The following NAXD variants were observed in gnomAD, a reference collection of about 807,000 sequenced individuals.
NAXD encodes the protein ATP-dependent (S)-NAD(P)H-hydrate dehydratase.
A neutral mutation model predicts 35.8 loss-of-function variants in NAXD; 22 were observed. That is an observed-to-expected ratio of 0.62 (90% CI 0.44 to 0.88). The LOEUF (loss-of-function observed/expected upper bound fraction) is 0.88. Ranked by LOEUF, NAXD falls within the 40% of genes least tolerant of loss-of-function variation. NAXD has a pLI of 0.00. For missense variants in NAXD, 428 were observed against 437.7 expected, an observed-to-expected ratio of 0.98 and a Z score of 0.20; for synonymous variants, 189 against 177.6, an observed-to-expected ratio of 1.06 and a Z score of -0.51.
At chr13:110,629,223 GAC>G (rs1292132387) in intron 5 of NAXD, among the ~76,000 whole-genome samples, 1 of 152,192 alleles carries the variant, frequency 6.6e-6, no homozygotes, top group Non-Finnish European at 1.5e-5. Context: ...TTCTTCTGAT[GAC>G]AGATTGAGTC....
chr13:110,624,980 C>T (rs1182787392), intron 3 of NAXD, among the ~76,000 whole-genome samples: 2 of 152,230 alleles, frequency 1.3e-5, no homozygotes, highest in Non-Finnish European at 2.9e-5. Flanking sequence ...CTGACCCTGC[C>T]TCTGCAGTGG....
intron 1 of NAXD, among the ~76,000 whole-genome samples, chr13:110,618,428 G>C (rs1886138511): frequency 6.6e-6 from 1 of 152,126 alleles, no homozygotes; most frequent in South Asian, 2.1e-4. Context: ...AAGGTGGTTT[G>C]CACATTTTGG....
At chr13:110,625,481 G>A (rs908212911) in intron 4 of NAXD, among the ~76,000 whole-genome samples, 4 of 152,234 alleles carry the variant, frequency 2.6e-5, no homozygotes, top group Admixed American at 6.5e-5. Context: ...AGAGGTGGGT[G>A]GGGGAGCTTG....
intron 8 of NAXD, 99 bp from the exon 9 acceptor site, chr13:110,637,030 T>G (rs1594186519): frequency 1.4e-6 from 2 of 1,382,456 alleles, no homozygotes; most frequent in Middle Eastern, 2.6e-4. Context: ...TCCTGGAGGG[T>G]GTGGCTCTGC....
In NAXD at chr13:110,619,396, A is replaced by T. The variant is rs78595743; in HGVS notation, c.47-2820A>T. On this transcript the variant is annotated intron_variant, in intron 1 of 9. Transcript: ENST00000680254. ...CCTTTTCTTATTGTGAGAAATACAC[A>T]TTTATGAAGTATTACCATTTAGGAG... is the stretch of plus-strand genomic sequence containing the variant. Among the ~76,000 whole-genome samples the T allele has an allele frequency of 2.6e-5, 4 of 152,180 alleles. No homozygotes were observed. In the East Asian group the frequency reaches 7.7e-4, roughly 29 times the overall value.
chr13:110,635,550 A>T lies in NAXD; in HGVS notation c.680A>T (p.Gln227Leu), dbSNP rs1886891844. Reference sequence around the variant, plus strand: ...GCCCTGGGCAACGTGACGGTGGTCCAGAAAGGAGAGCGCGACATCCTCTCC... The same window carrying T: ...GCCCTGGGCAACGTGACGGTGGTCCTGAAAGGAGAGCGCGACATCCTCTCC... The part of the protein sequence containing the change: ...SQALGNVTVV[Q>L]KGERDILSNG... Residue 227 changes from glutamine (Q) to leucine (L), a missense_variant, in exon 8 of 10, where the codon CAG (glutamine) becomes CTG (leucine). Physicochemically the swap from Gln to Leu is moderately radical, Grantham distance 113. This residue lies in a region of NAXD where 209 missense variants were observed against 214.6 expected (regional missense o/e 0.97). Coordinates refer to ENST00000680254, the MANE Select transcript of NAXD (RefSeq NM_001242882.2). 6.2e-7 allele frequency: 1 copy of T among 1,614,156 alleles called. No homozygotes were observed. Among genetic ancestry groups the T allele is most frequent in the African/African-American group, 1.3e-5 (1 of 75,070 alleles).
At chr13:110,621,183 T>C (rs1217673028) in intron 1 of NAXD, among the ~76,000 whole-genome samples, 1 of 152,216 alleles carries the variant, frequency 6.6e-6, no homozygotes, top group East Asian at 1.9e-4. Flanking sequence ...GGGAGTAATA[T>C]GATGAATCTG....
chr13:110,624,337 A>G, intron 3 of NAXD, 58 bp downstream of exon 3: 1 of 1,034,908 alleles, frequency 9.7e-7, no homozygotes, highest in African/African-American at 1.6e-5. Flanking sequence ...TTGATTATTT[A>G]AATATGATTA....
intron 5 of NAXD, among the ~76,000 whole-genome samples, chr13:110,631,946 T>G (rs1035618508): frequency 6.6e-6 from 1 of 152,246 alleles, no homozygotes; most frequent in African/African-American, 2.4e-5. Flanking sequence ...AGCTTTCAAA[T>G]TTCATTTAAT....
chr13:110,634,918 C>A, intron 7 of NAXD, 142 bp downstream of exon 7: 1 of 674,354 alleles, frequency 1.5e-6, no homozygotes, highest in South Asian at 1.7e-5. Context: ...GCGGATGGCG[C>A]GTCTTCCCAT....
intron 7 of NAXD, 105 bp from the exon 8 acceptor site, chr13:110,635,363 T>G: frequency 7.2e-7 from 1 of 1,387,654 alleles, no homozygotes; most frequent in Non-Finnish European, 1.0e-6. Flanking sequence ...GGGTGATCCC[T>G]TTAGACACGA....
chr13:110,623,226 A>G (rs770760144), intron 2 of NAXD, among the ~76,000 whole-genome samples: 6 of 152,168 alleles, frequency 3.9e-5, no homozygotes, highest in Non-Finnish European at 8.8e-5. Context: ...TGCATTTACA[A>G]CGCTATTGAC....
At chr13:110,624,591 T>A (rs1272500668) in intron 3 of NAXD, among the ~76,000 whole-genome samples, 1 of 152,210 alleles carries the variant, frequency 6.6e-6, no homozygotes, top group African/African-American at 2.4e-5. Flanking sequence ...CCCGAGTAGC[T>A]GGGATTACAG....
intron 5 of NAXD, among the ~76,000 whole-genome samples, chr13:110,633,224 G>A (rs1594181947): frequency 1.3e-5 from 2 of 152,280 alleles, no homozygotes; most frequent in Middle Eastern, 3.4e-3. Flanking sequence ...GTGCCGGTGG[G>A]CTGGCACTGC....
intron 1 of NAXD, among the ~76,000 whole-genome samples, chr13:110,620,497 T>A (rs1252284338): frequency 1.3e-5 from 2 of 151,332 alleles, no homozygotes; most frequent in Non-Finnish European, 2.9e-5. Context: ...GGAGAATTGC[T>A]TGGACCAGGG....
intron 8 of NAXD, 70 bp from the exon 9 acceptor site, chr13:110,637,059 C>T: frequency 2.6e-6 from 4 of 1,520,302 alleles, no homozygotes; most frequent in Non-Finnish European, 3.5e-6. Context: ...CGGCCTTCCA[C>T]ACCCGTGGCT....
At chr13:110,622,458 C>T in intron 2 of NAXD, 92 bp downstream of exon 2, 1 of 1,315,044 alleles carries the variant, frequency 7.6e-7, no homozygotes, top group Non-Finnish European at 1.1e-6. Context: ...AGTTTGACCT[C>T]AGTAATCATT....
chr13:110,615,704 C>A lies in NAXD; in HGVS notation c.46+57C>A, dbSNP rs28384427. 2.0e-6 allele frequency: 3 copies of A among 1,518,516 alleles called. No individual in the cohort carries two copies. In the East Asian group the frequency reaches 8.3e-5, roughly 42 times the overall value. 94.1% of individuals were successfully genotyped at this position (1,518,516 alleles called of 1,614,324 possible). ...TCACACGCGCGGGGGCCGGAACTGC[C>A]GTCGCCGGCGCGGTCGTTGTCGCAT... On this transcript the variant is annotated intron_variant, in intron 1 of 9. Transcript: ENST00000680254.
intron 2 of NAXD, among the ~76,000 whole-genome samples, chr13:110,623,932 G>A (rs1177603523): frequency 1.3e-5 from 2 of 151,716 alleles, no homozygotes; most frequent in Non-Finnish European, 2.9e-5. Context: ...AACCCAGGAG[G>A]CGGAGGTTGC....
Sources: allele counts gnomAD v4.1 joint callset (sites outside exome capture counted in the v4.1 genomes callset), GRCh38; gene constraint gnomAD v4.1.1; regional missense constraint gnomAD v4.1.1; transcripts MANE v1.5; gene names NCBI Gene and HGNC (gene_info 2026-07-23, HGNC 2026-07-21).